The following ZFPM2 variants were observed in gnomAD, a reference collection of about 807,000 sequenced individuals.
ZFPM2 encodes the protein zinc finger protein, FOG family member 2.
Under a neutral mutation model 98.6 loss-of-function variants are expected in ZFPM2, and 20 were observed. The ratio of observed to expected loss-of-function variants is 0.20; its 90% confidence interval spans 0.14 to 0.29. The LOEUF (loss-of-function observed/expected upper bound fraction) is 0.29. ZFPM2 is among the 10% of genes least tolerant of loss of function. ZFPM2 has a pLI of 1.00. For synonymous variants in ZFPM2, 518 were observed against 502.7 expected, an observed-to-expected ratio of 1.03 and a Z score of -0.41; for missense variants, 1,310 against 1,388.6, an observed-to-expected ratio of 0.94 and a Z score of 0.90.
chr8:105,628,464 A>C (rs2197132), intron 4 of ZFPM2, among the ~76,000 whole-genome samples: 30,844 of 152,096 alleles, frequency 0.2, 3,175 homozygotes, highest in South Asian at 0.26. Flanking sequence ...CTCAAGCCAA[A>C]AAGCCTGAAA....
intron 4 of ZFPM2, among the ~76,000 whole-genome samples, chr8:105,595,438 G>T (rs1257480768): frequency 6.6e-6 from 1 of 152,098 alleles, no homozygotes; most frequent in Non-Finnish European, 1.5e-5. Flanking sequence ...AGGGGTAAGT[G>T]TGAAGATTAA....
chr8:105,406,078 CTTT>C (rs1190112640), intron 1 of ZFPM2, among the ~76,000 whole-genome samples: 1 of 152,106 alleles, frequency 6.6e-6, no homozygotes, highest in Non-Finnish European at 1.5e-5. Flanking sequence ...TAAATGTCTT[CTTT>C]TGAGAAGTGT....
At chr8:105,477,783 G>A (rs1459557626) in intron 3 of ZFPM2, among the ~76,000 whole-genome samples, 3 of 152,096 alleles carry the variant, frequency 2.0e-5, no homozygotes, top group Admixed American at 6.5e-5. Context: ...TACCAAGGTG[G>A]AAACTTAGAT....
At chr8:105,565,289 G>C (rs1266360234) in intron 4 of ZFPM2, among the ~76,000 whole-genome samples, 1 of 152,086 alleles carries the variant, frequency 6.6e-6, no homozygotes, top group Non-Finnish European at 1.5e-5. Context: ...ACAAAAAGTT[G>C]TTCTTGGAAT....
At chr8:105,481,455 G>A (rs187866794) in intron 3 of ZFPM2, among the ~76,000 whole-genome samples, 9 of 152,086 alleles carry the variant, frequency 5.9e-5, no homozygotes, top group African/African-American at 2.2e-4. Context: ...TTGTGCACAC[G>A]GAAAGACGGG....
intron 2 of ZFPM2, among the ~76,000 whole-genome samples, chr8:105,434,903 C>T (rs1275708898): frequency 1.3e-5 from 2 of 152,088 alleles, no homozygotes; most frequent in Non-Finnish European, 1.5e-5. Context: ...GTGACTGTCT[C>T]GGAATGTGGC....
rs867467271 is a variant in ZFPM2 at position 105,380,647 on chromosome 8, A to T, written c.41-38497A>T. 4.8e-3 allele frequency among the ~76,000 whole-genome samples: 66 copies of T among 13,700 alleles called. 1 individual carries two copies. The highest frequency in any genetic ancestry group is 6.3e-3 in the South Asian group (4 of 640). The allele number at this position is 13,700 out of a possible 152,430, so 9.0% of individuals were successfully genotyped here. On this transcript the variant is annotated intron_variant, in intron 1 of 7. Transcript: ENST00000407775. ...ATAACATATATATTATATATATATT[A>T]TATATATATATTATATATAACATAT...
intron 5 of ZFPM2, among the ~76,000 whole-genome samples, chr8:105,785,739 A>G (rs981048368): frequency 2.0e-5 from 3 of 151,992 alleles, no homozygotes; most frequent in African/African-American, 7.3e-5. Flanking sequence ...CTCCATCTCT[A>G]CAAAAAATAT....
chr8:105,508,372 A>G (rs1234889128), intron 3 of ZFPM2, among the ~76,000 whole-genome samples: 1 of 150,276 alleles, frequency 6.7e-6, no homozygotes, highest in Non-Finnish European at 1.5e-5. Flanking sequence ...CCTACCCCCA[A>G]CCTCCTCAGT....
At chr8:105,707,945 G>A in intron 5 of ZFPM2, among the ~76,000 whole-genome samples, 1 of 152,156 alleles carries the variant, frequency 6.6e-6, no homozygotes, top group East Asian at 1.9e-4. Context: ...GAAAGCTTTA[G>A]GGGTTAGCCT....
chr8:105,587,523 A>G (rs992376317), intron 4 of ZFPM2, among the ~76,000 whole-genome samples: 11 of 152,296 alleles, frequency 7.2e-5, no homozygotes, highest in African/African-American at 2.6e-4. Flanking sequence ...CAAAGGAAAA[A>G]ATATGTAGTT....
At chr8:105,428,509 TG>T (rs1331802276) in intron 2 of ZFPM2, among the ~76,000 whole-genome samples, 1 of 152,222 alleles carries the variant, frequency 6.6e-6, no homozygotes, top group Non-Finnish European at 1.5e-5. Flanking sequence ...AGTTTCTCAC[TG>T]CCTGTTTCTT....
intron 2 of ZFPM2, among the ~76,000 whole-genome samples, chr8:105,422,267 A>G (rs949815779): frequency 4.0e-5 from 6 of 151,070 alleles, no homozygotes; most frequent in Non-Finnish European, 5.9e-5. Flanking sequence ...GCGAAACCCC[A>G]TCTCTACTAA....
At chr8:105,752,108 G>A (rs1046000447) in intron 5 of ZFPM2, among the ~76,000 whole-genome samples, 1 of 151,828 alleles carries the variant, frequency 6.6e-6, no homozygotes, top group East Asian at 1.9e-4. Flanking sequence ...CATTTCAGTA[G>A]CCATTATTTG....
intron 4 of ZFPM2, among the ~76,000 whole-genome samples, chr8:105,612,800 C>T (rs1192733737): frequency 6.6e-6 from 1 of 152,152 alleles, no homozygotes; most frequent in Admixed American, 6.5e-5. Flanking sequence ...AACATTTCAG[C>T]ATGTGAACCA....
At chr8:105,665,553 A>T (rs1817473468) in intron 5 of ZFPM2, among the ~76,000 whole-genome samples, 1 of 152,142 alleles carries the variant, frequency 6.6e-6, no homozygotes, top group African/African-American at 2.4e-5. Flanking sequence ...TGGTTTGAAG[A>T]TTTACTTATT....
At chr8:105,450,381 T>C (rs1802337045) in intron 3 of ZFPM2, among the ~76,000 whole-genome samples, 1 of 152,114 alleles carries the variant, frequency 6.6e-6, no homozygotes, top group South Asian at 2.1e-4. Flanking sequence ...GTGGTAGATA[T>C]AAGATCTTGG....
At chr8:105,438,404 G>T (rs2130178767) in intron 2 of ZFPM2, among the ~76,000 whole-genome samples, 1 of 152,262 alleles carries the variant, frequency 6.6e-6, no homozygotes, top group African/African-American at 2.4e-5. Flanking sequence ...AACTAATAAA[G>T]AACACTTTGT....
At chr8:105,560,652 C>G (rs1815115104) in intron 3 of ZFPM2, among the ~76,000 whole-genome samples, 3 of 150,806 alleles carry the variant, frequency 2.0e-5, no homozygotes, top group African/African-American at 7.3e-5. Flanking sequence ...CTTAAGCAAG[C>G]ATTTAATGAA....
Sources: allele counts gnomAD v4.1 joint callset (sites outside exome capture counted in the v4.1 genomes callset), GRCh38; gene constraint gnomAD v4.1.1; transcripts MANE v1.5; gene names NCBI Gene and HGNC (gene_info 2026-07-23, HGNC 2026-07-21).